The following CSMD1 variants were observed in gnomAD, a reference collection of about 807,000 sequenced individuals.
CSMD1 encodes CUB and Sushi multiple domains 1.
CSMD1 carries 213 observed loss-of-function variants against 417.5 expected under a neutral mutation model. The ratio of observed to expected loss-of-function variants is 0.51; its 90% CI spans 0.46 to 0.57. The LOEUF (loss-of-function observed/expected upper bound fraction) is 0.57. Among genes scored for constraint, CSMD1 ranks in the 20% least tolerant of loss-of-function variants. CSMD1 has a pLI of 0.00. For synonymous variants in CSMD1, 2,862 were observed against 1,736.8 expected (o/e 1.65, Z -16.11); for missense variants, 6,923 against 4,529.7 (o/e 1.53, Z -15.17).
intron 10 of CSMD1, among the ~76,000 whole-genome samples, chr8:3,551,404 AG>A (rs1191169246): frequency 6.6e-6 from 1 of 152,082 alleles, no homozygotes; most frequent in Non-Finnish European, 1.5e-5. Flanking sequence ...TAAATGCTTT[AG>A]GTTGCAGTAA....
intron 1 of CSMD1, among the ~76,000 whole-genome samples, chr8:4,707,947 C>T (rs918925778): frequency 4.2e-5 from 6 of 143,214 alleles, no homozygotes; most frequent in African/African-American, 1.5e-4. Flanking sequence ...AAGAAGTTTC[C>T]GTGTGATTAT....
chr8:3,801,557 T>A (rs79362548), intron 5 of CSMD1, among the ~76,000 whole-genome samples: 2,267 of 152,176 alleles, frequency 0.015, 49 homozygotes, highest in East Asian at 0.038. Context: ...TGGAAGACAG[T>A]TTTGCAATTC....
At chr8:3,816,830 T>C (rs1379040379) in intron 5 of CSMD1, among the ~76,000 whole-genome samples, 1 of 152,116 alleles carries the variant, frequency 6.6e-6, no homozygotes, top group East Asian at 1.9e-4. Context: ...TGGTTTCAGG[T>C]GTCTACTAGG....
At chr8:4,917,876 G>A (rs571941987) in intron 1 of CSMD1, among the ~76,000 whole-genome samples, 1 of 152,082 alleles carries the variant, frequency 6.6e-6, no homozygotes, top group African/African-American at 2.4e-5. Flanking sequence ...AGATGGGCCT[G>A]GAAGGCTAGG....
At chr8:4,342,736 G>C (rs559855352) in intron 3 of CSMD1, among the ~76,000 whole-genome samples, 22 of 152,176 alleles carry the variant, frequency 1.4e-4, no homozygotes, top group Non-Finnish European at 2.6e-4. Context: ...TTCCGCAGTA[G>C]ACAGGCTTGC....
chr8:4,711,964 A>C (rs953988654), intron 1 of CSMD1, among the ~76,000 whole-genome samples: 7 of 152,200 alleles, frequency 4.6e-5, no homozygotes, highest in Non-Finnish European at 7.3e-5. Flanking sequence ...TTTGCGGTAC[A>C]GTTTTAAACT....
At chr8:3,613,728 C>G (rs1802002852) in intron 8 of CSMD1, among the ~76,000 whole-genome samples, 1 of 134,414 alleles carries the variant, frequency 7.4e-6, no homozygotes, top group South Asian at 2.3e-4. Context: ...CACACACACA[C>G]ACACACACAC....
At chr8:4,795,407 G>C (rs1232746836) in intron 1 of CSMD1, among the ~76,000 whole-genome samples, 1 of 151,348 alleles carries the variant, frequency 6.6e-6, no homozygotes, top group East Asian at 2.0e-4. Flanking sequence ...GAGTAGCTGG[G>C]ATTACAGGTA....
At chr8:4,618,556 C>T (rs1293296079) in intron 2 of CSMD1, among the ~76,000 whole-genome samples, 2 of 152,006 alleles carry the variant, frequency 1.3e-5, no homozygotes, top group African/African-American at 2.4e-5. Context: ...TTCTTCTTAT[C>T]GCCTACATAG....
At chr8:4,293,851 T>A (rs1797516697) in intron 3 of CSMD1, among the ~76,000 whole-genome samples, 1 of 152,238 alleles carries the variant, frequency 6.6e-6, no homozygotes, top group Non-Finnish European at 1.5e-5. Flanking sequence ...AAAGCTGTTC[T>A]ACTAGTTTTT....
chr8:4,301,631 C>A (rs1797986551), intron 3 of CSMD1, among the ~76,000 whole-genome samples: 1 of 152,206 alleles, frequency 6.6e-6, no homozygotes, highest in Non-Finnish European at 1.5e-5. Flanking sequence ...GTCTGTGGCA[C>A]TGGCTGTTTT....
chr8:4,045,857 G>A (rs1046717758), intron 3 of CSMD1, among the ~76,000 whole-genome samples: 9 of 151,854 alleles, frequency 5.9e-5, no homozygotes, highest in African/African-American at 2.2e-4. Flanking sequence ...CTCTGGCACT[G>A]CATTATTTTT....
chr8:4,465,975 G>A (rs543365214), intron 2 of CSMD1, among the ~76,000 whole-genome samples: 1 of 152,314 alleles, frequency 6.6e-6, no homozygotes, highest in South Asian at 2.1e-4. Flanking sequence ...GAGAGACAAG[G>A]ACAGATGGGA....
chr8:3,629,454 T>C (rs887386541), intron 7 of CSMD1, among the ~76,000 whole-genome samples: 3 of 152,190 alleles, frequency 2.0e-5, no homozygotes, highest in Non-Finnish European at 4.4e-5. Context: ...TACAATATTA[T>C]TGGGAAAATT....
intron 49 of CSMD1, 26 bp from the exon 50 acceptor site, chr8:3,052,673 G>C (rs748616058): frequency 1.3e-6 from 2 of 1,484,244 alleles, no homozygotes; most frequent in African/African-American, 1.4e-5. Flanking sequence ...ACAAATGTAG[G>C]CTTATTCTTA....
intron 1 of CSMD1, among the ~76,000 whole-genome samples, chr8:4,730,123 T>C (rs79828069): frequency 0.093 from 14,146 of 152,126 alleles, 720 homozygotes; most frequent in Middle Eastern, 0.18. Context: ...CTTAGAAGCA[T>C]TGAGAAGTAC....
At chr8:4,316,566 C>A (rs904734428) in intron 3 of CSMD1, among the ~76,000 whole-genome samples, 1 of 151,998 alleles carries the variant, frequency 6.6e-6, no homozygotes, top group African/African-American at 2.4e-5. Flanking sequence ...TAATAACTTT[C>A]CACTAATATT....
chr8:4,148,134 T>C (rs1796366388), intron 3 of CSMD1, among the ~76,000 whole-genome samples: 1 of 152,086 alleles, frequency 6.6e-6, no homozygotes, highest in South Asian at 2.1e-4. Flanking sequence ...ATGCTCTGGG[T>C]GAAGCTCAAC....
At chr8:4,468,436 C>G (rs1154072) in intron 2 of CSMD1, among the ~76,000 whole-genome samples, 124,783 of 152,192 alleles carry the variant, frequency 0.82, 51,304 homozygotes, top group Middle Eastern at 0.91. Context: ...TGATGAGACT[C>G]AGGCCAAAAC....
Sources: allele counts gnomAD v4.1 joint callset (sites outside exome capture counted in the v4.1 genomes callset), GRCh38; gene constraint gnomAD v4.1.1; transcripts MANE v1.5; gene names NCBI Gene and HGNC (gene_info 2026-07-23, HGNC 2026-07-21).